Variants in ULBP1 observed in about 807,000 individuals in gnomAD.
ULBP1 encodes the protein UL16 binding protein 1.
ULBP1 carries 28 observed loss-of-function variants against 25.3 expected under a neutral mutation model. The ratio of observed to expected loss-of-function variants is 1.10; its 90% CI spans 0.82 to 1.51. The LOEUF is 1.51. Among genes scored for constraint, ULBP1 ranks in the 40% most tolerant of loss-of-function variants. ULBP1 has a pLI of 0.00. For missense variants in ULBP1, 348 were observed against 290.9 expected, an observed-to-expected ratio of 1.20 and a Z score of -1.43; for synonymous variants, 129 against 103.0, an observed-to-expected ratio of 1.25 and a Z score of -1.53.
chr6:149,964,866 G>C (rs143484581), intron 1 of ULBP1, among the ~76,000 whole-genome samples: 1,527 of 114,370 alleles, frequency 0.013, 36 homozygotes, highest in African/African-American at 0.05. Context: ...CGAACATCGC[G>C]GTCCCCCCGA....
At chr6:149,967,979 A>T (rs1233481522) in intron 1 of ULBP1, among the ~76,000 whole-genome samples, 3 of 152,136 alleles carry the variant, frequency 2.0e-5, no homozygotes, top group African/African-American at 2.4e-5. Flanking sequence ...CCACTCTGGC[A>T]TGGGTGCTTC....
intron 1 of ULBP1, among the ~76,000 whole-genome samples, chr6:149,966,503 T>C (rs1779206912): frequency 6.6e-6 from 1 of 152,114 alleles, no homozygotes; most frequent in Non-Finnish European, 1.5e-5. Flanking sequence ...CTCAGGGCAA[T>C]CAGGGACCCT....
At chr6:149,971,268 G>A (rs1437880173) in intron 4 of ULBP1, 101 bp from the exon 5 acceptor site, 3 of 827,220 alleles carry the variant, frequency 3.6e-6, no homozygotes, top group African/African-American at 1.9e-5. Flanking sequence ...TCTTATTTGT[G>A]GGAGAGGTTC....
chr6:149,966,152 G>A (rs1398396210), intron 1 of ULBP1, among the ~76,000 whole-genome samples: 3 of 152,106 alleles, frequency 2.0e-5, no homozygotes, highest in Non-Finnish European at 4.4e-5. Flanking sequence ...AAAGGCTGAA[G>A]GCACTTTGGT....
intron 4 of ULBP1, among the ~76,000 whole-genome samples, chr6:149,971,071 C>T (rs1413996058): frequency 1.3e-5 from 2 of 152,208 alleles, no homozygotes; most frequent in African/African-American, 4.8e-5. Context: ...CCCCCAGGTC[C>T]TCTAGACCCT....
chr6:149,969,419 A>G, intron 3 of ULBP1, 59 bp downstream of exon 3: 4 of 1,584,510 alleles, frequency 2.5e-6, no homozygotes, highest in Middle Eastern at 1.7e-4. Context: ...CAGCTGGTGT[A>G]TGTGTGTGAG....
rs372662202 is a variant in ULBP1, at chr6:149,964,145, G to A, written c.85+11G>A. ...GGGCAGGATGGGTCGGTGAGTTCGG[G>A]GATGTAGCCTAAGCAGGGCGGGGGC... is the stretch of plus-strand genomic sequence containing the variant. On this transcript the variant is annotated intron_variant, in intron 1 of 4. Transcript: ENST00000229708. 2.5e-6 allele frequency: 4 copies of A among 1,613,998 alleles called. No homozygotes were observed. In the African/African-American group the frequency reaches 4.0e-5, roughly 16 times the overall value.
At chr6:149,970,330 TCTAA>T (rs891096613) in intron 4 of ULBP1, among the ~76,000 whole-genome samples, 183 bp downstream of exon 4, 4 of 150,670 alleles carry the variant, frequency 2.7e-5, no homozygotes, top group African/African-American at 4.8e-5. Flanking sequence ...TCTGATGGAT[TCTAA>T]CTGTCAGAGG....
chr6:149,968,492 G>C, intron 1 of ULBP1, 115 bp from the exon 2 acceptor site: 1 of 1,377,532 alleles, frequency 7.3e-7, no homozygotes, highest in Non-Finnish European at 9.9e-7. Context: ...GGCATGTCTT[G>C]GTCTGCCAGC....
In ULBP1 at chr6:149,969,179, C is replaced by T. The variant is rs757245197; in HGVS notation, c.444C>T (p.Phe148=). Residue 148 remains phenylalanine, a synonymous_variant, in exon 3 of 5, where the codon TTC becomes TTT. Coordinates refer to ENST00000229708, the MANE Select transcript of ULBP1 (RefSeq NM_025218.4). ...AGTTCCTCTTCAATGGACAGAAGTT[C>T]CTCCTCTTTGACTCAAACAACAGAA... ...SWQFLFNGQK[F]LLFDSNNRKW... 6 of 1,614,192 alleles carry T rather than the reference C, an allele frequency of 3.7e-6. No homozygotes were observed. The highest frequency in any genetic ancestry group is 2.2e-5 in the East Asian group (1 of 44,880).
At chr6:149,965,285 A>AGAACATCGCGGTCTCCCC (rs1196930984) in intron 1 of ULBP1, among the ~76,000 whole-genome samples, 6 of 87,380 alleles carry the variant, frequency 6.9e-5, no homozygotes, top group African/African-American at 2.8e-4. Flanking sequence ...GCGATCCCCC[A>AGAACATCGCGGTCTCCCC]GAACATCGCG....
At chr6:149,965,058 G>C (rs1779177706) in intron 1 of ULBP1, among the ~76,000 whole-genome samples, 1 of 149,770 alleles carries the variant, frequency 6.7e-6, no homozygotes, top group African/African-American at 2.5e-5. Context: ...TAGGCCAGGA[G>C]GCTTCTGGGT....
At chr6:149,968,296 T>C (rs1337418928) in intron 1 of ULBP1, among the ~76,000 whole-genome samples, 1 of 152,136 alleles carries the variant, frequency 6.6e-6, no homozygotes, top group African/African-American at 2.4e-5. Context: ...ATCCAGGCCT[T>C]TTCCTGCCAC....
chr6:149,968,906 G>C (rs1779255417), intron 2 of ULBP1, 36 bp downstream of exon 2: 1 of 1,586,580 alleles, frequency 6.3e-7, no homozygotes, highest in South Asian at 1.2e-5. Context: ...AGACACAGTA[G>C]TAACTTAGAG....
rs200992403 is a variant in ULBP1, at chr6:149,968,892, G to A, written c.349+22G>A. The A allele has an allele frequency of 1.7e-5, 28 of 1,607,554 alleles. No homozygotes were observed. The African/African-American group carries it at 3.5e-4, about 20-fold the overall frequency. On this transcript the variant is annotated intron_variant, in intron 2 of 4. Transcript: ENST00000229708. Reference sequence around the variant, plus strand: ...ATTGGTAAGTTTAAAATGGCCCAGGGAGCAGACACAGTAGTAACTTAGAGT... The same window carrying A: ...ATTGGTAAGTTTAAAATGGCCCAGGAAGCAGACACAGTAGTAACTTAGAGT...
chr6:149,967,542 C>G (rs570466137), intron 1 of ULBP1, among the ~76,000 whole-genome samples: 1 of 152,110 alleles, frequency 6.6e-6, no homozygotes, highest in Non-Finnish European at 1.5e-5. Context: ...TCCATCCTTG[C>G]GTTTTGTCTT....
rs371798942 is a variant in ULBP1 at position 149,969,281 on chromosome 6, C to T, written c.546C>T (p.Phe182=). 1.9e-6 allele frequency: 3 copies of T among 1,614,182 alleles called. No homozygotes were observed. The highest frequency in any genetic ancestry group is 2.5e-6 in the Non-Finnish European group (3 of 1,180,034). Residue 182 remains phenylalanine (F), a synonymous_variant, in exon 3 of 5, where the codon TTC becomes TTT. Transcript: ENST00000229708. The stretch of plus-strand genomic sequence containing the variant: ...AGAACAGGGATGTGACCATGTTCTT[C>T]CAGAAGATTTCACTGGGGGATTGTA... The part of the protein sequence containing the change: ...WEKNRDVTMF[F]QKISLGDCKM...
At chr6:149,969,470 C>A (rs1434859719) in intron 3 of ULBP1, 110 bp downstream of exon 3, 2 of 1,468,836 alleles carry the variant, frequency 1.4e-6, no homozygotes, top group African/African-American at 1.4e-5. Context: ...AACATGACCC[C>A]CTCATGGGGG....
Position 149,970,091 on chromosome 6 carries a change from T to A in ULBP1, c.701T>A (p.Ile234Asn). The change falls in exon 4 of 5, where the codon ATC (isoleucine) becomes AAC (asparagine). Residue 234 changes from isoleucine (I) to asparagine (N), a missense_variant. Ile to Asn is a moderately radical substitution (Grantham distance 149). Transcript: ENST00000229708. ...ATTLSPWSLL[I>N]IFLCFILAGR is the part of the protein sequence containing the mutation. ...ACCCTCAGTCCCTGGAGCCTTCTCA[T>A]CATCTTCCTCTGCTTCATTCTAGCT... 1.9e-6 allele frequency: 3 copies of A among 1,612,756 alleles called. No homozygotes were observed. The highest frequency in any genetic ancestry group is 2.5e-6 in the Non-Finnish European group (3 of 1,179,484).
Sources: allele counts gnomAD v4.1 joint callset (sites outside exome capture counted in the v4.1 genomes callset), GRCh38; gene constraint gnomAD v4.1.1; transcripts MANE v1.5; gene names NCBI Gene and HGNC (gene_info 2026-07-23, HGNC 2026-07-21).